MAF: variants seen among roughly 807,000 people sequenced by gnomAD.
MAF encodes MAF bZIP transcription factor, also known as transcription factor Maf.
MAF carries 10 observed loss-of-function variants against 22.0 expected under a neutral mutation model. The observed-to-expected ratio is 0.45, with a 90% CI of 0.28 to 0.77. The LOEUF is 0.77. Ranked by LOEUF, MAF falls within the 30% of genes least tolerant of loss-of-function variation. The probability of loss-of-function intolerance (pLI) is 0.12; values close to 1 mark genes in which losing one functional copy is unlikely to be tolerated. For missense variants in MAF, 544 were observed against 548.4 expected (o/e 0.99, Z 0.08); for synonymous variants, 337 against 255.8 (o/e 1.32, Z -3.03).
the MAF span, among the ~76,000 whole-genome samples, chr16:79,298,296 G>T: frequency 5.3e-5 from 8 of 152,242 alleles, no homozygotes; most frequent in African/African-American, 1.9e-4. Context: ...CAACCTGCCT[G>T]TACAAACCAG....
chr16:79,382,495 A>T, the MAF span, among the ~76,000 whole-genome samples: 52 of 152,328 alleles, frequency 3.4e-4, no homozygotes, highest in South Asian at 0.011. Flanking sequence ...TAAATTGTAA[A>T]CTGTGCTAAT....
At chr16:79,558,615 C>G in the MAF span, among the ~76,000 whole-genome samples, 3 of 152,180 alleles carry the variant, frequency 2.0e-5, no homozygotes, top group African/African-American at 7.2e-5. Flanking sequence ...AGCTGTGCCC[C>G]TGGAAGCAAC....
chr16:79,437,950 TAGG>T, the MAF span, among the ~76,000 whole-genome samples: 1 of 152,144 alleles, frequency 6.6e-6, no homozygotes, highest in Non-Finnish European at 1.5e-5. Context: ...CCTGGGCTTC[TAGG>T]AGGCCTGTTT....
chr16:79,461,313 T>G, the MAF span, among the ~76,000 whole-genome samples: 2 of 152,068 alleles, frequency 1.3e-5, no homozygotes, highest in Non-Finnish European at 2.9e-5. Context: ...TAAAATGCAT[T>G]TTTTGCTTAT....
chr16:79,293,838 AG>A, the MAF span, among the ~76,000 whole-genome samples: 1 of 42,750 alleles, frequency 2.3e-5, no homozygotes, highest in African/African-American at 2.9e-4. Context: ...CTAAATGAAA[AG>A]AGAGAGAGAG....
the MAF span, among the ~76,000 whole-genome samples, chr16:79,536,161 A>C: frequency 6.6e-6 from 1 of 152,226 alleles, no homozygotes; most frequent in African/African-American, 2.4e-5. Context: ...GGTACTTACC[A>C]AAACTGGTAG....
At chr16:79,252,934 TTCCTC>T in the MAF span, among the ~76,000 whole-genome samples, 1 of 152,218 alleles carries the variant, frequency 6.6e-6, no homozygotes, top group East Asian at 1.9e-4. Context: ...ACTCCGTACT[TTCCTC>T]TCCATTTTTC....
the MAF span, among the ~76,000 whole-genome samples, chr16:79,463,307 C>CACATAATG: frequency 7.2e-5 from 11 of 152,302 alleles, no homozygotes; most frequent in African/African-American, 2.4e-4. Flanking sequence ...GGTTTTAAGT[C>CACATAATG]ACATAATGAC....
At chr16:79,596,751 T>A in intron 1 of MAF, 1 of 1,021,732 alleles carries the variant, frequency 9.8e-7, no homozygotes, top group South Asian at 4.7e-5. Flanking sequence ...AAACTGTGGA[T>A]TTTTTTTTAA....
the MAF span, among the ~76,000 whole-genome samples, chr16:79,274,416 G>T: frequency 6.6e-6 from 1 of 152,048 alleles, no homozygotes; most frequent in Non-Finnish European, 1.5e-5. Context: ...GAGAGGCCCA[G>T]CCATTTGCAT....
chr16:79,530,328 A>C, the MAF span, among the ~76,000 whole-genome samples: 1 of 152,172 alleles, frequency 6.6e-6, no homozygotes. Context: ...ATCCATAGTC[A>C]TGCATTCAGC....
At chr16:79,238,381 G>C in the MAF span, among the ~76,000 whole-genome samples, 2 of 152,138 alleles carry the variant, frequency 1.3e-5, no homozygotes, top group East Asian at 3.9e-4. Flanking sequence ...CTAAGAGCGG[G>C]GGCACTGTAG....
the MAF span, among the ~76,000 whole-genome samples, chr16:79,542,645 G>A: frequency 2.0e-5 from 3 of 152,302 alleles, no homozygotes; most frequent in African/African-American, 4.8e-5. Flanking sequence ...AGCCGCTCTT[G>A]GCCTGGAGAA....
the MAF span, among the ~76,000 whole-genome samples, chr16:79,579,115 A>G: frequency 6.6e-6 from 1 of 152,220 alleles, no homozygotes; most frequent in African/African-American, 2.4e-5. Context: ...AAAGTCTTCC[A>G]AGCTAAGGAG....
At chr16:79,327,632 A>G in the MAF span, among the ~76,000 whole-genome samples, 9 of 152,318 alleles carry the variant, frequency 5.9e-5, no homozygotes, top group Admixed American at 5.2e-4. Flanking sequence ...TCTGGCTATC[A>G]TTAAGCGTTC....
chr16:79,318,003 G>A, the MAF span, among the ~76,000 whole-genome samples: 2 of 152,146 alleles, frequency 1.3e-5, no homozygotes, highest in African/African-American at 4.8e-5. Flanking sequence ...ACATAACAGT[G>A]TCATGCCTTT....
chr16:79,314,097 C>T, the MAF span, among the ~76,000 whole-genome samples: 1 of 152,168 alleles, frequency 6.6e-6, no homozygotes, highest in African/African-American at 2.4e-5. Flanking sequence ...AACGGGGATG[C>T]ACCTTCATGC....
the MAF span, among the ~76,000 whole-genome samples, chr16:79,496,821 A>C: frequency 6.6e-6 from 1 of 152,210 alleles, no homozygotes; most frequent in Non-Finnish European, 1.5e-5. Flanking sequence ...TCATCTCTAT[A>C]ACAAAGTAGG....
chr16:79,373,385 TTTTTTTTTTTTTTTTG>T, the MAF span, among the ~76,000 whole-genome samples: 3 of 116,766 alleles, frequency 2.6e-5, no homozygotes, highest in African/African-American at 1.0e-4. Flanking sequence ...TTTTTTTTTT[TTTTTTTTTTTTTTTTG>T]AGACACAGTC....
Sources: allele counts gnomAD v4.1 joint callset (sites outside exome capture counted in the v4.1 genomes callset), GRCh38; gene constraint gnomAD v4.1.1; transcripts MANE v1.5; gene names NCBI Gene and HGNC (gene_info 2026-07-23, HGNC 2026-07-21).